The following SH3PXD2A variants were observed in gnomAD, a reference collection of about 807,000 sequenced individuals.
SH3PXD2A encodes SH3 and PX domain-containing protein 2A.
Under a neutral mutation model 115.2 loss-of-function variants are expected in SH3PXD2A, and 32 were observed. The ratio of observed to expected loss-of-function variants is 0.28; its 90% CI spans 0.21 to 0.37. The LOEUF (loss-of-function observed/expected upper bound fraction) is 0.37, where lower values mean the gene tolerates loss of function less well. Among genes scored for constraint, SH3PXD2A ranks in the 10% least tolerant of loss-of-function variants. The pLI is 1.00. For missense variants in SH3PXD2A, 1,328 were observed against 1,498.7 expected, an observed-to-expected ratio of 0.89 and a Z score of 1.88; for synonymous variants, 610 against 629.1, an observed-to-expected ratio of 0.97 and a Z score of 0.45.
At chr10:103,692,486 T>C (rs1438547908) in intron 6 of SH3PXD2A, among the ~76,000 whole-genome samples, 1 of 151,982 alleles carries the variant, frequency 6.6e-6, no homozygotes, top group African/African-American at 2.4e-5. Flanking sequence ...ACGCTCAGAG[T>C]TGGGGCAGGG....
chr10:103,813,893 G>A (rs934879967), intron 1 of SH3PXD2A, among the ~76,000 whole-genome samples: 6 of 151,858 alleles, frequency 4.0e-5, no homozygotes, highest in African/African-American at 1.5e-4. Context: ...CTTGGAAGGT[G>A]GGGTAGGCAC....
In SH3PXD2A at chr10:103,595,162, T is replaced by C. The variant is rs895248493; in HGVS notation, c.*6654A>G. The C allele has an allele frequency of 6.6e-6, 1 of 152,166 alleles. No homozygotes were observed. The highest frequency in any genetic ancestry group is 2.4e-5 in the African/African-American group (1 of 41,434). The allele number at this position is 152,166 out of a possible 1,614,324, so 9.4% of individuals were successfully genotyped here. On this transcript the variant is annotated 3_prime_UTR_variant, in exon 15 of 15. Transcript: ENST00000369774. ...TCTCTGCTAAGTAAATCAATGACCA[T>C]TCATTGAGAACTGATGGGGACCCAG...
In SH3PXD2A at chr10:103,773,817, C is replaced by T. The variant is rs183482692; in HGVS notation, c.154-6648G>A. On this transcript the variant is annotated intron_variant, in intron 2 of 14. Coordinates refer to ENST00000369774, the MANE Select transcript of SH3PXD2A (RefSeq NM_001394015.1). ...GCAGTGGCACAATCCCAGCTCACTG[C>T]AGCCTTGACTTTCTGGGCTCAAGTG... Among the ~76,000 whole-genome samples, 24 of 152,240 alleles carry T rather than the reference C, an allele frequency of 1.6e-4. No homozygotes were observed. The East Asian group carries it at 4.6e-3, about 29-fold the overall frequency.
intron 7 of SH3PXD2A, among the ~76,000 whole-genome samples, chr10:103,664,257 A>T (rs2037353754): frequency 6.6e-6 from 1 of 152,212 alleles, no homozygotes; most frequent in African/African-American, 2.4e-5. Flanking sequence ...TCCAGCAACA[A>T]ACAAGAATAG....
intron 1 of SH3PXD2A, among the ~76,000 whole-genome samples, chr10:103,842,079 C>G (rs1320204406): frequency 6.7e-6 from 1 of 148,776 alleles, no homozygotes; most frequent in Non-Finnish European, 1.5e-5. Flanking sequence ...GAGCCGAGAT[C>G]GCACCACTAC....
At chr10:103,659,019 C>A in intron 8 of SH3PXD2A, among the ~76,000 whole-genome samples, 1 of 152,174 alleles carries the variant, frequency 6.6e-6, no homozygotes, top group Non-Finnish European at 1.5e-5. Context: ...CACGGGTGGC[C>A]GTGGGGAGCT....
intron 10 of SH3PXD2A, 148 bp downstream of exon 10, chr10:103,622,322 G>A: frequency 1.6e-6 from 1 of 627,278 alleles, no homozygotes; most frequent in Non-Finnish European, 2.8e-6. Flanking sequence ...CCCCACACCA[G>A]CTGCAGTAGG....
At chr10:103,608,608 A>G (rs780963647) in intron 13 of SH3PXD2A, 1 of 150,094 alleles carries the variant, frequency 6.7e-6, no homozygotes, top group Admixed American at 6.6e-5. Context: ...AAAATATTGC[A>G]CATTTTAATT....
At chr10:103,711,291 T>C (rs1353012077) in intron 5 of SH3PXD2A, among the ~76,000 whole-genome samples, 1 of 152,242 alleles carries the variant, frequency 6.6e-6, no homozygotes, top group Non-Finnish European at 1.5e-5. Flanking sequence ...TTGGGCATCA[T>C]TGTGGTGCAG....
chr10:103,754,212 C>T (rs1233924648), intron 3 of SH3PXD2A: 1 of 151,912 alleles, frequency 6.6e-6, no homozygotes, highest in Non-Finnish European at 1.5e-5. Context: ...GAAATTAAAA[C>T]CAATTTTGTT....
intron 1 of SH3PXD2A, among the ~76,000 whole-genome samples, chr10:103,852,349 A>G (rs1227420179): frequency 6.6e-6 from 1 of 152,260 alleles, no homozygotes; most frequent in Non-Finnish European, 1.5e-5. Context: ...CCTTTGCAGA[A>G]TGTCCTGAGA....
chr10:103,809,446 C>T (rs1214963602), intron 1 of SH3PXD2A, among the ~76,000 whole-genome samples: 1 of 152,154 alleles, frequency 6.6e-6, no homozygotes, highest in African/African-American at 2.4e-5. Context: ...ACACATCCAC[C>T]AGTCGCCTCC....
Position 103,602,833 on chromosome 10 carries a change from G to A in SH3PXD2A, c.2385C>T (p.Ser795=), listed in dbSNP as rs1279873956. Residue 795 remains serine (S), a synonymous_variant, in exon 15 of 15, where the codon TCC becomes TCT. Coordinates refer to ENST00000369774, the MANE Select transcript of SH3PXD2A (RefSeq NM_001394015.1). ...TGQLRGGLKG[S]KSEDSELPPQ... ...GGGGCAGCTCCGAATCCTCACTCTTGGAGCCCTTGAGCCCTCCACGGAGCT... is the reference window on the plus strand; with the variant it reads ...GGGGCAGCTCCGAATCCTCACTCTTAGAGCCCTTGAGCCCTCCACGGAGCT... 1.9e-6 allele frequency: 3 copies of A among 1,614,048 alleles called. No homozygotes were observed. The South Asian group carries it at 3.3e-5, about 18-fold the overall frequency.
At chr10:103,769,446 CTTCTTT>C (rs1233994212) in intron 2 of SH3PXD2A, among the ~76,000 whole-genome samples, 1 of 139,986 alleles carries the variant, frequency 7.1e-6, no homozygotes, top group African/African-American at 2.9e-5. Flanking sequence ...TCTTCTTCTT[CTTCTTT>C]TTTTTTTTTT....
At chr10:103,818,402 G>A (rs2039345417) in intron 1 of SH3PXD2A, among the ~76,000 whole-genome samples, 1 of 152,218 alleles carries the variant, frequency 6.6e-6, no homozygotes, top group South Asian at 2.1e-4. Flanking sequence ...GCACACAGCA[G>A]CAGCTGTGCC....
At chr10:103,732,854 G>T (rs561660170) in intron 4 of SH3PXD2A, among the ~76,000 whole-genome samples, 1 of 152,182 alleles carries the variant, frequency 6.6e-6, no homozygotes, top group African/African-American at 2.4e-5. Context: ...GCCGTGGAGC[G>T]GACTGCACAC....
chr10:103,671,953 T>C (rs895289921), intron 6 of SH3PXD2A, among the ~76,000 whole-genome samples: 1 of 152,202 alleles, frequency 6.6e-6, no homozygotes, highest in Non-Finnish European at 1.5e-5. Flanking sequence ...CCCTGGCTCT[T>C]GCTGAGAACA....
intron 1 of SH3PXD2A, among the ~76,000 whole-genome samples, chr10:103,811,135 T>C (rs981904561): frequency 5.3e-5 from 8 of 152,226 alleles, no homozygotes; most frequent in African/African-American, 1.9e-4. Context: ...CCTCTGGGGC[T>C]GGACACTTTT....
intron 4 of SH3PXD2A, among the ~76,000 whole-genome samples, chr10:103,726,649 G>A (rs2038244908): frequency 6.6e-6 from 1 of 152,184 alleles, no homozygotes; most frequent in Non-Finnish European, 1.5e-5. Flanking sequence ...AGTAGCTATG[G>A]GACATGATAG....
Sources: allele counts gnomAD v4.1 joint callset (sites outside exome capture counted in the v4.1 genomes callset), GRCh38; gene constraint gnomAD v4.1.1; transcripts MANE v1.5; gene names NCBI Gene and HGNC (gene_info 2026-07-23, HGNC 2026-07-21).